Variants in DCC observed in about 807,000 individuals in gnomAD.
The protein encoded by DCC is netrin receptor DCC.
DCC carries 58 observed loss-of-function variants against 172.5 expected under a neutral mutation model. That is an observed-to-expected ratio of 0.34 (90% confidence interval 0.27 to 0.42). The LOEUF is 0.42. DCC is among the 10% of genes least tolerant of loss of function. DCC has a pLI of 1.00. For missense variants in DCC, 1,740 were observed against 1,791.0 expected, an observed-to-expected ratio of 0.97 and a Z score of 0.51; for synonymous variants, 709 against 644.5, an observed-to-expected ratio of 1.10 and a Z score of -1.52.
chr18:52,884,894 G>C (rs1207377017), intron 2 of DCC, among the ~76,000 whole-genome samples: 3 of 152,154 alleles, frequency 2.0e-5, no homozygotes, highest in East Asian at 3.9e-4. Context: ...TAATAATGCA[G>C]TGGTTCTTGC....
At chr18:52,682,761 G>A (rs1437595924) in intron 1 of DCC, among the ~76,000 whole-genome samples, 1 of 152,078 alleles carries the variant, frequency 6.6e-6, no homozygotes, top group East Asian at 1.9e-4. Context: ...TAATGACTGG[G>A]GGAAGGGTTA....
In DCC at chr18:53,515,030, C is replaced by T. The variant is rs1176226344; in HGVS notation, c.4112-11587C>T. On this transcript the variant is annotated intron_variant, in intron 27 of 28. Transcript: ENST00000442544. ...ATTTTAGACCAATATCCTTGATGAA[C>T]ATTGATGCAAAAATCCTCAATAAAA... is the stretch of plus-strand genomic sequence containing the variant. Among the ~76,000 whole-genome samples the T allele has an allele frequency of 5.3e-5, 8 of 152,036 alleles. No homozygotes were observed. In the South Asian group the frequency reaches 1.3e-3, roughly 24 times the overall value.
chr18:53,293,910 C>T (rs2057035211), intron 12 of DCC, among the ~76,000 whole-genome samples: 1 of 152,150 alleles, frequency 6.6e-6, no homozygotes, highest in South Asian at 2.1e-4. Flanking sequence ...CTCCACTGGG[C>T]TTCCTGTGTC....
At chr18:52,794,545 T>A (rs1194074020) in intron 2 of DCC, among the ~76,000 whole-genome samples, 2 of 152,086 alleles carry the variant, frequency 1.3e-5, no homozygotes, top group East Asian at 3.9e-4. Context: ...TGGTGGAGTC[T>A]TTAGGTTTTT....
intron 1 of DCC, among the ~76,000 whole-genome samples, chr18:52,414,998 G>A (rs1340980600): frequency 6.6e-6 from 1 of 152,208 alleles, no homozygotes; most frequent in Non-Finnish European, 1.5e-5. Flanking sequence ...TGTAGGTAGA[G>A]AAATAAAATC....
intron 5 of DCC, among the ~76,000 whole-genome samples, chr18:52,968,206 A>G (rs1424543919): frequency 6.6e-6 from 1 of 152,192 alleles, no homozygotes; most frequent in Admixed American, 6.6e-5. Context: ...GATGGAGTTT[A>G]TAGCATCTTG....
chr18:53,278,428 T>C lies in DCC; in HGVS notation c.1912-27150T>C, dbSNP rs971996465. On this transcript the variant is annotated intron_variant, in intron 12 of 28. Coordinates refer to ENST00000442544, the MANE Select transcript of DCC (RefSeq NM_005215.4). ...TGGCCCACCATACCGTCTATATCTA[T>C]TGTATGCATTATCAAGAATTATTAT... 9.9e-5 allele frequency among the ~76,000 whole-genome samples: 15 copies of C among 152,130 alleles called. No homozygotes were observed. The East Asian group carries it at 1.7e-3, about 18-fold the overall frequency.
At chr18:52,347,464 A>T (rs1209542263) in intron 1 of DCC, among the ~76,000 whole-genome samples, 2 of 152,084 alleles carry the variant, frequency 1.3e-5, no homozygotes, top group African/African-American at 4.8e-5. Context: ...ATCATACAGA[A>T]CTGTTTATTT....
At chr18:52,459,233 G>A (rs185457582) in intron 1 of DCC, among the ~76,000 whole-genome samples, 8 of 151,906 alleles carry the variant, frequency 5.3e-5, no homozygotes, top group South Asian at 2.1e-4. Flanking sequence ...GGGTACATGT[G>A]CAGGTTTGTC....
intron 8 of DCC, among the ~76,000 whole-genome samples, chr18:53,165,955 A>G (rs2054912890): frequency 6.6e-6 from 1 of 152,198 alleles, no homozygotes; most frequent in Admixed American, 6.5e-5. Flanking sequence ...TCAAAAGATG[A>G]CTATGACTAG....
chr18:52,586,456 C>T (rs2033676710), intron 1 of DCC, among the ~76,000 whole-genome samples: 1 of 152,082 alleles, frequency 6.6e-6, no homozygotes. Flanking sequence ...ACTGCAACTC[C>T]CTTCTTAGCC....
intron 1 of DCC, among the ~76,000 whole-genome samples, chr18:52,505,080 G>A (rs55699115): frequency 0.025 from 3,745 of 152,190 alleles, 69 homozygotes; most frequent in Non-Finnish European, 0.039. Context: ...TTAATTTCAG[G>A]GCAATTAGAA....
chr18:52,706,722 T>A (rs562890075), intron 1 of DCC, among the ~76,000 whole-genome samples: 1 of 152,164 alleles, frequency 6.6e-6, no homozygotes, highest in Non-Finnish European at 1.5e-5. Flanking sequence ...TACCAGGTGC[T>A]ATGCTATGTA....
At chr18:53,001,439 C>T (rs574306112) in intron 5 of DCC, among the ~76,000 whole-genome samples, 1 of 152,174 alleles carries the variant, frequency 6.6e-6, no homozygotes, top group East Asian at 1.9e-4. Context: ...TAAATAAAAA[C>T]GTTCATAACC....
At chr18:53,112,396 G>A (rs377459382) in intron 7 of DCC, among the ~76,000 whole-genome samples, 7 of 151,532 alleles carry the variant, frequency 4.6e-5, no homozygotes, top group African/African-American at 1.7e-4. Context: ...AGGTTCTATT[G>A]TACAGTTGAC....
At chr18:53,223,939 C>A (rs761407033) in intron 12 of DCC, among the ~76,000 whole-genome samples, 5 of 152,076 alleles carry the variant, frequency 3.3e-5, no homozygotes, top group Non-Finnish European at 7.4e-5. Context: ...GCAATGAAAG[C>A]AGAATTTCAT....
At chr18:52,846,894 A>C (rs988032371) in intron 2 of DCC, among the ~76,000 whole-genome samples, 5 of 152,130 alleles carry the variant, frequency 3.3e-5, no homozygotes, top group African/African-American at 1.2e-4. Flanking sequence ...GGGCGAGCAC[A>C]TGGAGCTGGG....
chr18:53,226,513 C>A (rs2056030388), intron 12 of DCC, among the ~76,000 whole-genome samples: 1 of 152,090 alleles, frequency 6.6e-6, no homozygotes, highest in East Asian at 1.9e-4. Context: ...GAGAGCACAA[C>A]TGATACCTCA....
At chr18:53,080,167 T>G (rs1246544134) in intron 7 of DCC, among the ~76,000 whole-genome samples, 1 of 152,070 alleles carries the variant, frequency 6.6e-6, no homozygotes. Context: ...AGTGAGTTAA[T>G]GTATTAGAAG....
Sources: allele counts gnomAD v4.1 joint callset (sites outside exome capture counted in the v4.1 genomes callset), GRCh38; gene constraint gnomAD v4.1.1; transcripts MANE v1.5; gene names NCBI Gene and HGNC (gene_info 2026-07-23, HGNC 2026-07-21).